PPM1L: variants seen among roughly 807,000 people sequenced by gnomAD.
PPM1L encodes the protein protein phosphatase 1L.
Under a neutral mutation model 31.4 loss-of-function variants are expected in PPM1L, and 13 were observed. The observed-to-expected ratio is 0.41, with a 90% CI of 0.27 to 0.66. The LOEUF (loss-of-function observed/expected upper bound fraction) is 0.66, where lower values mean the gene tolerates loss of function less well. PPM1L is among the 30% of genes least tolerant of loss of function. The pLI, the probability that PPM1L is intolerant of heterozygous loss-of-function variation, is 0.29. For synonymous variants in PPM1L, 184 were observed against 175.4 expected, an observed-to-expected ratio of 1.05 and a Z score of -0.39; for missense variants, 326 against 453.7, an observed-to-expected ratio of 0.72 and a Z score of 2.56.
chr3:160,756,933 C>G lies in PPM1L; in HGVS notation c.399+226C>G, dbSNP rs908901997. On this transcript the variant is annotated intron_variant, in intron 1 of 3. Transcript: ENST00000498165. The surrounding 1 kb of genome is among the most constrained non-coding windows in gnomAD (Gnocchi z 6.2). ...ATCCAGACTTCTTGGTGCTGAGGGTCCACTTTAGGGAAAGGAGAGTCATCC... is the reference window on the plus strand; with the variant it reads ...ATCCAGACTTCTTGGTGCTGAGGGTGCACTTTAGGGAAAGGAGAGTCATCC... Among the ~76,000 whole-genome samples the G allele has an allele frequency of 3.3e-5, 5 of 151,932 alleles. No homozygotes were observed. The highest frequency in any genetic ancestry group is 1.2e-4 in the African/African-American group (5 of 41,338).
At chr3:160,815,517 G>A (rs987116330) in intron 1 of PPM1L, among the ~76,000 whole-genome samples, 1 of 152,148 alleles carries the variant, frequency 6.6e-6, no homozygotes, top group Admixed American at 6.5e-5. Context: ...TAAAGGTGCT[G>A]AGGAGCCTGC....
At chr3:160,814,444 TCAA>T (rs1347864572) in intron 1 of PPM1L, among the ~76,000 whole-genome samples, 3 of 151,860 alleles carry the variant, frequency 2.0e-5, no homozygotes, top group African/African-American at 7.3e-5. Context: ...TGCCTATCTA[TCAA>T]CGAGTGGATG....
At chr3:160,939,977 A>G (rs1332209858) in intron 1 of PPM1L, among the ~76,000 whole-genome samples, 2 of 152,174 alleles carry the variant, frequency 1.3e-5, no homozygotes, top group Non-Finnish European at 2.9e-5. Flanking sequence ...AAATGCTGAC[A>G]ATGATATGAA....
chr3:160,872,698 G>A (rs1038146609), intron 1 of PPM1L, among the ~76,000 whole-genome samples: 3 of 152,082 alleles, frequency 2.0e-5, no homozygotes, highest in East Asian at 1.9e-4. Context: ...AGGCTGAGGC[G>A]GGTGGATCAT....
At chr3:161,062,411 G>A (rs1719599232) in intron 2 of PPM1L, among the ~76,000 whole-genome samples, 1 of 152,064 alleles carries the variant, frequency 6.6e-6, no homozygotes, top group Non-Finnish European at 1.5e-5. Context: ...AACCAGTCTA[G>A]GCAATATAGT....
chr3:160,897,318 G>C (rs1411309017), intron 1 of PPM1L, among the ~76,000 whole-genome samples: 2 of 152,142 alleles, frequency 1.3e-5, no homozygotes, highest in African/African-American at 2.4e-5. Flanking sequence ...TGGGATTACA[G>C]GTGTGAGCCA....
chr3:160,918,469 G>T (rs947969516), intron 1 of PPM1L, among the ~76,000 whole-genome samples: 7 of 152,150 alleles, frequency 4.6e-5, no homozygotes. Context: ...ACCATCACAT[G>T]GATAAGAGTT....
chr3:160,970,467 T>G (rs1344489826), intron 2 of PPM1L, among the ~76,000 whole-genome samples: 4 of 143,430 alleles, frequency 2.8e-5, no homozygotes, highest in African/African-American at 1.0e-4. Flanking sequence ...TTTTTTTTTT[T>G]GAGATGGAGT....
At chr3:160,830,233 A>G (rs964149600) in intron 1 of PPM1L, among the ~76,000 whole-genome samples, 1 of 152,192 alleles carries the variant, frequency 6.6e-6, no homozygotes, top group Non-Finnish European at 1.5e-5. Context: ...CCCTGAACCA[A>G]CTGTGGACCC....
intron 1 of PPM1L, among the ~76,000 whole-genome samples, chr3:160,889,558 A>G (rs1713056083): frequency 2.6e-5 from 4 of 152,226 alleles, no homozygotes; most frequent in Admixed American, 2.6e-4. Flanking sequence ...TCACAGCTGA[A>G]TTCTATTACA....
At chr3:160,892,642 TG>T (rs1713196420) in intron 1 of PPM1L, among the ~76,000 whole-genome samples, 1 of 152,070 alleles carries the variant, frequency 6.6e-6, no homozygotes, top group South Asian at 2.1e-4. Context: ...CGTTCCACAT[TG>T]GGGTTTCGTA....
intron 2 of PPM1L, among the ~76,000 whole-genome samples, chr3:161,028,752 T>C (rs1406942268): frequency 1.3e-5 from 2 of 152,122 alleles, no homozygotes; most frequent in African/African-American, 4.8e-5. Flanking sequence ...TGGTAGAATG[T>C]TAGGAGAGGG....
chr3:160,910,700 A>G (rs1374637696), intron 1 of PPM1L, among the ~76,000 whole-genome samples: 1 of 152,070 alleles, frequency 6.6e-6, no homozygotes, highest in Non-Finnish European at 1.5e-5. Context: ...AATCTAATTT[A>G]TTTATTTTTG....
intron 1 of PPM1L, among the ~76,000 whole-genome samples, chr3:160,884,476 A>G (rs1005606041): frequency 6.6e-6 from 1 of 152,260 alleles, no homozygotes; most frequent in Non-Finnish European, 1.5e-5. Context: ...TGAAGCAGCC[A>G]TTAAACTTTG....
At chr3:160,978,049 T>C (rs916686752) in intron 2 of PPM1L, among the ~76,000 whole-genome samples, 1 of 151,800 alleles carries the variant, frequency 6.6e-6, no homozygotes, top group Non-Finnish European at 1.5e-5. Context: ...GGAACAGGAG[T>C]GAGGGGCACT....
chr3:160,901,373 C>T (rs1002657147), intron 1 of PPM1L, among the ~76,000 whole-genome samples: 4 of 152,108 alleles, frequency 2.6e-5, no homozygotes, highest in African/African-American at 4.8e-5. Flanking sequence ...ACACCCCATT[C>T]TCTGACACAG....
At chr3:160,988,311 A>C (rs1169618854) in intron 2 of PPM1L, among the ~76,000 whole-genome samples, 1 of 152,196 alleles carries the variant, frequency 6.6e-6, no homozygotes, top group Non-Finnish European at 1.5e-5. Context: ...TGAGAAAAGA[A>C]AAAAAAATCA....
intron 1 of PPM1L, among the ~76,000 whole-genome samples, chr3:160,879,980 C>G (rs1229731002): frequency 6.6e-6 from 1 of 152,114 alleles, no homozygotes; most frequent in Non-Finnish European, 1.5e-5. Flanking sequence ...CCATGTTTCT[C>G]TTTTCTGGCC....
At chr3:161,006,486 A>T (rs1717709888) in intron 2 of PPM1L, among the ~76,000 whole-genome samples, 2 of 152,158 alleles carry the variant, frequency 1.3e-5, no homozygotes, top group Non-Finnish European at 2.9e-5. Context: ...AATGACTAAG[A>T]GGGTGAACTA....
Sources: allele counts gnomAD v4.1 joint callset (sites outside exome capture counted in the v4.1 genomes callset), GRCh38; gene constraint gnomAD v4.1.1; non-coding constraint Gnocchi (gnomAD v3.1); transcripts MANE v1.5; gene names NCBI Gene and HGNC (gene_info 2026-07-23, HGNC 2026-07-21).